ANK1: variants seen among roughly 807,000 people sequenced by gnomAD.
ANK1 encodes the protein ankyrin 1.
Under a neutral mutation model 210.4 loss-of-function variants are expected in ANK1, and 51 were observed. The observed-to-expected ratio is 0.24, with a 90% CI of 0.19 to 0.31. ANK1 has a LOEUF of 0.31. ANK1 is among the 10% of genes least tolerant of loss of function. The probability of loss-of-function intolerance (pLI) is 1.00; values close to 1 mark genes in which losing one functional copy is unlikely to be tolerated. For synonymous variants in ANK1, 967 were observed against 1,025.9 expected (o/e 0.94, Z 1.10); for missense variants, 2,051 against 2,504.4 (o/e 0.82, Z 3.86).
At chr8:41,722,553 A>G (rs1397897736) in intron 9 of ANK1, among the ~76,000 whole-genome samples, 2 of 152,218 alleles carry the variant, frequency 1.3e-5, no homozygotes, top group African/African-American at 4.8e-5. Context: ...TCCTTATGTC[A>G]GAGCCACGTA....
chr8:41,884,883 G>A (rs1273596954), intron 1 of ANK1, among the ~76,000 whole-genome samples: 3 of 152,026 alleles, frequency 2.0e-5, no homozygotes, highest in Admixed American at 1.3e-4. Flanking sequence ...ACTGAGTTCC[G>A]GAGAGGGAGC....
intron 37 of ANK1, among the ~76,000 whole-genome samples, chr8:41,681,002 C>T (rs570303285): frequency 4.0e-4 from 61 of 152,194 alleles, no homozygotes; most frequent in Non-Finnish European, 7.5e-4. Flanking sequence ...TAAAAGGCAG[C>T]CACACATATT....
At chr8:41,668,598 G>C in intron 38 of ANK1, 34 bp from the exon 39 acceptor site, 1 of 1,595,972 alleles carries the variant, frequency 6.3e-7, no homozygotes, top group East Asian at 2.2e-5. Context: ...ATGGCCGGCC[G>C]GGGAGAGAGA....
At chr8:41,868,703 C>T (rs1177783307) in intron 1 of ANK1, among the ~76,000 whole-genome samples, 1 of 152,194 alleles carries the variant, frequency 6.6e-6, no homozygotes, top group African/African-American at 2.4e-5. Flanking sequence ...ATTTACAAAG[C>T]TCACTAAAGC....
At chr8:41,839,557 A>G (rs1808450878) in intron 1 of ANK1, among the ~76,000 whole-genome samples, 1 of 152,250 alleles carries the variant, frequency 6.6e-6, no homozygotes, top group Non-Finnish European at 1.5e-5. Context: ...TTTGGAAGGC[A>G]CATATCGGTG....
intron 13 of ANK1, among the ~76,000 whole-genome samples, chr8:41,716,353 A>AC (rs982537593): frequency 6.1e-5 from 9 of 148,134 alleles, no homozygotes; most frequent in African/African-American, 1.8e-4. Context: ...TTCCACCCAC[A>AC]CCCCCCCACT....
chr8:41,715,771 T>G lies in ANK1; in HGVS notation c.1483A>C (p.Asn495His), dbSNP rs143839208. The G allele has an allele frequency of 1.2e-4, 200 of 1,614,144 alleles. 2 individuals carry two copies. The African/African-American group carries it at 2.4e-3, about 19-fold the overall frequency. ...MVKLLLENNA[N>H]PNLATTAGHT... ...CCGGCGGTGGTGGCCAGGTTGGGGT[T>G]GGCGTTATTTTCCAGCAGGAGCTTC... The change falls in exon 14 of 43, where the codon AAC becomes CAC. Residue 495 changes from asparagine to histidine, a missense_variant. By Grantham distance (68) the Asn-to-His change is moderately conservative. Coordinates refer to ENST00000289734, the MANE Select transcript of ANK1 (RefSeq NM_000037.4).
At chr8:41,803,090 A>AAGGAAGGGAAGGG (rs777806034) in intron 1 of ANK1, among the ~76,000 whole-genome samples, 89 of 24,930 alleles carry the variant, frequency 3.6e-3, no homozygotes, top group Non-Finnish European at 7.3e-3. Context: ...GAAGGGAAGG[A>AAGGAAGGGAAGGG]AAGGAAAGGA....
intron 42 of ANK1, among the ~76,000 whole-genome samples, chr8:41,658,667 C>T (rs184688276): frequency 2.6e-5 from 4 of 152,130 alleles, no homozygotes; most frequent in Admixed American, 2.0e-4. Context: ...CTGAGGAGGG[C>T]GGGTTGCTTG....
intron 1 of ANK1, chr8:41,840,228 T>C (rs930039642): frequency 2.0e-5 from 3 of 152,222 alleles, no homozygotes; most frequent in African/African-American, 7.2e-5. Context: ...TGTCACCATA[T>C]TGATGCTGAA....
rs1292547898 is a variant in ANK1 at position 41,815,251 on chromosome 8, G to T, written c.127-57114C>A. The stretch of plus-strand genomic sequence containing the variant: ...CTAATAATGAAAACATGAAGCACAG[G>T]AAATTATTTTGATAAAACACAGAAT... On this transcript the variant is annotated intron_variant, in intron 1 of 42. Transcript: ENST00000265709. 2.0e-5 allele frequency among the ~76,000 whole-genome samples: 3 copies of T among 152,110 alleles called. No homozygotes were observed. The East Asian group carries it at 5.8e-4, about 29-fold the overall frequency.
chr8:41,762,773 AAG>A (rs1188627128), intron 1 of ANK1, among the ~76,000 whole-genome samples: 1 of 152,252 alleles, frequency 6.6e-6, no homozygotes, highest in Non-Finnish European at 1.5e-5. Context: ...AAGAATGTTA[AAG>A]AGACATTTCT....
At chr8:41,716,424 G>A (rs558818554) in intron 13 of ANK1, among the ~76,000 whole-genome samples, 1 of 152,040 alleles carries the variant, frequency 6.6e-6, no homozygotes, top group Non-Finnish European at 1.5e-5. Flanking sequence ...CCCAGCTGGA[G>A]GCTTCCCTCG....
At chr8:41,785,220 G>A (rs1861924) in intron 1 of ANK1, among the ~76,000 whole-genome samples, 2,086 of 152,158 alleles carry the variant, frequency 0.014, 32 homozygotes, top group Admixed American at 0.027. Flanking sequence ...AATTAGCCAG[G>A]GGTGTGGTGC....
Position 41,719,777 on chromosome 8 carries a change from T to A in ANK1, c.991A>T (p.Ile331Leu). 3.1e-6 allele frequency: 5 copies of A among 1,614,134 alleles called. No homozygotes were observed. The South Asian group carries it at 5.5e-5, about 18-fold the overall frequency. ...AGGTGGTCCAGGGTGATGTCGTCTA[T>A]CTCTGCGTCGTATTGCAACAGGAGC... ...VRLLLQYDAEIDDITLDHLTP... is the reference protein window; with the variant it reads ...VRLLLQYDAELDDITLDHLTP... Residue 331 changes from isoleucine to leucine, a missense_variant, in exon 10 of 43, where the codon ATA becomes TTA. Ile to Leu is a conservative substitution (Grantham distance 5, BLOSUM62 2). Coordinates refer to ENST00000289734, the MANE Select transcript of ANK1 (RefSeq NM_000037.4).
At chr8:41,808,482 T>C (rs113701489) in intron 1 of ANK1, among the ~76,000 whole-genome samples, 14,742 of 151,976 alleles carry the variant, frequency 0.097, 1,789 homozygotes, top group African/African-American at 0.29. Context: ...CTGACCAACA[T>C]AGTGAAACTC....
At chr8:41,703,929 G>A (rs745449795) in intron 20 of ANK1, 112 bp downstream of exon 20, 20 of 990,906 alleles carry the variant, frequency 2.0e-5, no homozygotes, top group African/African-American at 3.2e-5. Context: ...AGGGTGCTGC[G>A]GCCCCGTCCA....
chr8:41,663,160 A>AT (rs1459271162), intron 40 of ANK1, among the ~76,000 whole-genome samples: 1 of 148,450 alleles, frequency 6.7e-6, no homozygotes, highest in Admixed American at 6.7e-5. Flanking sequence ...ATTTTTTAAA[A>AT]TTTTTTTTAG....
At chr8:41,678,092 C>A (rs1471884917) in intron 37 of ANK1, among the ~76,000 whole-genome samples, 1 of 151,950 alleles carries the variant, frequency 6.6e-6, no homozygotes, top group African/African-American at 2.4e-5. Flanking sequence ...GGATCTATGT[C>A]TTCATGATTT....
Sources: gnomAD v4.1 joint callset for allele counts (sites outside exome capture counted in the v4.1 genomes callset) on GRCh38, gnomAD v4.1.1 for gene constraint, MANE v1.5 for transcripts, NCBI Gene and HGNC (gene_info 2026-07-23, HGNC 2026-07-21) for gene names.